XKR4: variants seen among roughly 807,000 people sequenced by gnomAD.
XKR4 encodes the protein XK-related protein 4.
Under a neutral mutation model 53.9 loss-of-function variants are expected in XKR4, and 12 were observed. The ratio of observed to expected loss-of-function variants is 0.22; its 90% CI spans 0.14 to 0.36. The LOEUF is 0.36. Among genes scored for constraint, XKR4 ranks in the 10% least tolerant of loss-of-function variants. The pLI is 1.00. For synonymous variants in XKR4, 354 were observed against 362.4 expected (o/e 0.98, Z 0.26); for missense variants, 799 against 859.5 (o/e 0.93, Z 0.88).
intron 1 of XKR4, among the ~76,000 whole-genome samples, chr8:55,146,542 C>T (rs534672895): frequency 1.4e-4 from 21 of 152,140 alleles, no homozygotes; most frequent in Non-Finnish European, 2.6e-4. Context: ...AATGTGGCAA[C>T]GTGGCAATTG....
intron 1 of XKR4, among the ~76,000 whole-genome samples, chr8:55,125,638 G>T (rs1297198545): frequency 6.6e-6 from 1 of 151,974 alleles, no homozygotes; most frequent in African/African-American, 2.4e-5. Flanking sequence ...TCGCAAACTG[G>T]AAAAATTTAT....
At chr8:55,121,495 T>A (rs887790819) in intron 1 of XKR4, among the ~76,000 whole-genome samples, 2 of 152,180 alleles carry the variant, frequency 1.3e-5, no homozygotes, top group Non-Finnish European at 1.5e-5. Context: ...TGTTTAGAAT[T>A]TATGCTTTAT....
chr8:55,304,057 T>G (rs573982534), intron 1 of XKR4, among the ~76,000 whole-genome samples: 1 of 152,284 alleles, frequency 6.6e-6, no homozygotes, highest in East Asian at 1.9e-4. Context: ...ATGTGTTTGC[T>G]TCTTGCTTTT....
At chr8:55,295,111 C>A (rs1272976823) in intron 1 of XKR4, among the ~76,000 whole-genome samples, 2 of 152,138 alleles carry the variant, frequency 1.3e-5, no homozygotes, top group African/African-American at 4.8e-5. Flanking sequence ...ACTGCTAACA[C>A]TCAGTGTAAG....
chr8:55,419,031 A>G (rs1201617017), intron 2 of XKR4, among the ~76,000 whole-genome samples: 2 of 151,990 alleles, frequency 1.3e-5, no homozygotes, highest in African/African-American at 2.4e-5. Flanking sequence ...GTTACCGGTT[A>G]TCTCCAATTA....
At chr8:55,459,866 GT>G (rs1805624368) in intron 2 of XKR4, among the ~76,000 whole-genome samples, 1 of 152,056 alleles carries the variant, frequency 6.6e-6, no homozygotes, top group Admixed American at 6.6e-5. Context: ...GTTTGATGGG[GT>G]TTTTTAAAGT....
chr8:55,116,604 G>A (rs950700325), intron 1 of XKR4, among the ~76,000 whole-genome samples: 1 of 152,180 alleles, frequency 6.6e-6, no homozygotes, highest in African/African-American at 2.4e-5. Context: ...TATTTGTGTA[G>A]ACATGTTATT....
intron 2 of XKR4, among the ~76,000 whole-genome samples, chr8:55,468,110 A>G (rs956535950): frequency 6.6e-6 from 1 of 152,142 alleles, no homozygotes; most frequent in Admixed American, 6.5e-5. Flanking sequence ...GACAGGAACT[A>G]TAGAGTGGGA....
Position 55,541,394 on chromosome 8 carries a change from TTTTG to T in XKR4, c.*17171_*17174del, listed in dbSNP as rs1200260989. 6.6e-6 allele frequency: 1 copy of T among 151,966 alleles called. No homozygotes were observed. The highest frequency in any genetic ancestry group is 6.6e-5 in the Admixed American group (1 of 15,244). The allele number at this position is 151,966 out of a possible 1,614,324, so 9.4% of individuals were successfully genotyped here. On this transcript the variant is annotated 3_prime_UTR_variant, in exon 3 of 3. Coordinates refer to ENST00000327381, the MANE Select transcript of XKR4 (RefSeq NM_052898.2). ...TTGTGCTCCTTTCCCTGTTCAATTT[TTTTG>T]TTTTGTTTTAAATCTATCTCTGAAA...
rs76265948 is a variant in XKR4, at chr8:55,386,068, C to T, written c.1006+28191C>T. Among the ~76,000 whole-genome samples, 782 of 152,320 alleles carry T rather than the reference C, an allele frequency of 5.1e-3. 4 individuals carry two copies. The highest frequency in any genetic ancestry group is 0.018 in the African/African-American group (734 of 41,552). ...GTCTGAAGCCCTGTGAAATGGAATA[C>T]ACCTGTGCCTAATGAAATGTCAAGA... is the stretch of plus-strand genomic sequence containing the variant. On this transcript the variant is annotated intron_variant, in intron 2 of 2. Transcript: ENST00000327381.
chr8:55,162,763 T>A (rs1817003815), intron 1 of XKR4, among the ~76,000 whole-genome samples: 1 of 152,216 alleles, frequency 6.6e-6, no homozygotes, highest in South Asian at 2.1e-4. Context: ...ACCCTTTCAA[T>A]ATTTAAACTA....
chr8:55,201,313 T>G (rs1300617725), intron 1 of XKR4, among the ~76,000 whole-genome samples: 1 of 152,194 alleles, frequency 6.6e-6, no homozygotes, highest in East Asian at 1.9e-4. Context: ...TCTGAAAAAT[T>G]GTCATGTCAC....
intron 2 of XKR4, chr8:55,454,426 G>T: frequency 8.0e-7 from 1 of 1,248,678 alleles, no homozygotes; most frequent in African/African-American, 1.5e-5. Context: ...TGCAGGCATC[G>T]GTGAGCTGCT....
At chr8:55,255,347 T>G (rs1818422889) in intron 1 of XKR4, among the ~76,000 whole-genome samples, 1 of 152,184 alleles carries the variant, frequency 6.6e-6, no homozygotes, top group Non-Finnish European at 1.5e-5. Flanking sequence ...GAGGAGTCAA[T>G]GAATGCAGTA....
At chr8:55,273,142 CTGTGTGTGTGTGTGTGTG>C (rs5891567) in intron 1 of XKR4, among the ~76,000 whole-genome samples, 19 of 147,444 alleles carry the variant, frequency 1.3e-4, no homozygotes, top group East Asian at 2.0e-4. Context: ...GAAAAGAGGA[CTGTGTGTGTGTGTGTGTG>C]TGTGTGTGTG....
At chr8:55,478,804 G>A (rs1585597018) in intron 2 of XKR4, among the ~76,000 whole-genome samples, 1 of 152,180 alleles carries the variant, frequency 6.6e-6, no homozygotes, top group African/African-American at 2.4e-5. Flanking sequence ...AGACAAAGAA[G>A]GCCATTACAT....
chr8:55,459,694 T>C (rs1659042798), intron 2 of XKR4, among the ~76,000 whole-genome samples: 1 of 152,008 alleles, frequency 6.6e-6, no homozygotes, highest in African/African-American at 2.4e-5. Flanking sequence ...ATACTAAACA[T>C]CTTTTAGTAA....
rs117734657 is a variant in XKR4, at chr8:55,163,896, G to A, written c.806+60602G>A. ...AATAAATAAATATTATATAAAGAAT[G>A]TTAATTAGTACCAATAATGATCATG... is the stretch of plus-strand genomic sequence containing the variant. On this transcript the variant is annotated intron_variant, in intron 1 of 2. Coordinates refer to ENST00000327381, the MANE Select transcript of XKR4 (RefSeq NM_052898.2). Among the ~76,000 whole-genome samples the A allele has an allele frequency of 1.2e-4, 18 of 152,264 alleles. No individual in the cohort carries two copies. The East Asian group carries it at 3.1e-3, about 26-fold the overall frequency.
In XKR4 at chr8:55,295,122, A is replaced by T. The variant is rs551810837; in HGVS notation, c.807-62556A>T. ...TAATACTGCTAACACTCAGTGTAAG[A>T]CACGAGGCTAGCTGTAAAGGGAAGG... On this transcript the variant is annotated intron_variant, in intron 1 of 2. Transcript: ENST00000327381. Among the ~76,000 whole-genome samples the T allele has an allele frequency of 2.4e-4, 37 of 152,344 alleles. No individual in the cohort carries two copies. In the South Asian group the frequency reaches 7.2e-3, roughly 30 times the overall value.
Sources: allele counts gnomAD v4.1 joint callset (sites outside exome capture counted in the v4.1 genomes callset), GRCh38; gene constraint gnomAD v4.1.1; transcripts MANE v1.5; gene names NCBI Gene and HGNC (gene_info 2026-07-23, HGNC 2026-07-21).